HIVEP1: variants seen among roughly 807,000 people sequenced by gnomAD.
HIVEP1 encodes HIVEP zinc finger 1.
HIVEP1 carries 36 observed loss-of-function variants against 180.0 expected under a neutral mutation model. The ratio of observed to expected loss-of-function variants is 0.20; its 90% CI spans 0.15 to 0.26. The LOEUF is 0.26. HIVEP1 is among the 10% of genes least tolerant of loss of function. HIVEP1 has a pLI of 1.00. For synonymous variants in HIVEP1, 1,239 were observed against 1,239.0 expected (o/e 1.00, Z 0.00); for missense variants, 3,143 against 3,268.7 (o/e 0.96, Z 0.94).
the HIVEP1 span, among the ~76,000 whole-genome samples, chr6:12,192,263 G>T: frequency 6.6e-6 from 1 of 152,028 alleles, no homozygotes; most frequent in Non-Finnish European, 1.5e-5. Flanking sequence ...GTGTGTGTGT[G>T]TGTAATTTTT....
chr6:12,204,946 A>G, the HIVEP1 span, among the ~76,000 whole-genome samples: 1 of 152,224 alleles, frequency 6.6e-6, no homozygotes, highest in Non-Finnish European at 1.5e-5. Context: ...AGCAGGTCCT[A>G]TGAAAGCTGG....
intron 3 of HIVEP1, among the ~76,000 whole-genome samples, chr6:12,108,925 C>G (rs1402390412): frequency 6.6e-6 from 1 of 152,222 alleles, no homozygotes; most frequent in Admixed American, 6.5e-5. Flanking sequence ...CGAGGGCTCT[C>G]AGGACTGCCA....
chr6:12,201,525 A>G, the HIVEP1 span, among the ~76,000 whole-genome samples: 1 of 150,572 alleles, frequency 6.6e-6, no homozygotes, highest in Non-Finnish European at 1.5e-5. Context: ...ATTTTTTTGA[A>G]CATGTATAAG....
chr6:12,210,552 G>T, the HIVEP1 span, among the ~76,000 whole-genome samples: 2 of 152,150 alleles, frequency 1.3e-5, no homozygotes, highest in Non-Finnish European at 2.9e-5. Flanking sequence ...AAAATCTAGT[G>T]AAAAGCTATG....
chr6:12,107,030 T>C (rs1774471994), intron 3 of HIVEP1, among the ~76,000 whole-genome samples: 1 of 152,240 alleles, frequency 6.6e-6, no homozygotes, highest in South Asian at 2.1e-4. Context: ...TCAGGGAACA[T>C]ACTTTCTATG....
At chr6:12,142,552 A>G (rs915373074) in intron 7 of HIVEP1, among the ~76,000 whole-genome samples, 10 of 152,194 alleles carry the variant, frequency 6.6e-5, no homozygotes, top group Admixed American at 5.9e-4. Context: ...ACTGAAGGAG[A>G]TAGAGACACA....
At chr6:12,083,825 A>C (rs1205494545) in intron 2 of HIVEP1, among the ~76,000 whole-genome samples, 1 of 152,062 alleles carries the variant, frequency 6.6e-6, no homozygotes, top group East Asian at 1.9e-4. Flanking sequence ...TGCTGTGAAA[A>C]ATTATAATAT....
chr6:12,066,212 T>C (rs1771573526), intron 2 of HIVEP1, among the ~76,000 whole-genome samples: 1 of 152,226 alleles, frequency 6.6e-6, no homozygotes. Context: ...TTTTAAGAGC[T>C]GTGTGCGTGT....
Position 12,161,520 on chromosome 6 carries a change from A to G in HIVEP1, c.6569A>G (p.Asn2190Ser). The change falls in exon 8 of 9, where the codon AAT becomes AGT. Residue 2190 changes from asparagine to serine, a missense_variant. Around this residue, in one of 12 missense-constraint regions of HIVEP1, gnomAD observed 126 missense variants for 168.5 expected, o/e 0.75. Transcript: ENST00000379388. ...GGCCCAGATGAGGATGACAATGAAA[A>G]TGAAGACGATGATGAGGACAGCCAG... The part of the protein sequence containing the change: ...SDGPDEDDNE[N>S]EDDDEDSQAE... 6.2e-7 allele frequency: 1 copy of G among 1,614,186 alleles called. No homozygotes were observed.
intron 2 of HIVEP1, among the ~76,000 whole-genome samples, chr6:12,021,234 A>G (rs186514566): frequency 1.3e-5 from 2 of 152,182 alleles, no homozygotes; most frequent in African/African-American, 4.8e-5. Flanking sequence ...TGATCAGATC[A>G]TGGCCTTGAT....
intron 2 of HIVEP1, among the ~76,000 whole-genome samples, chr6:12,031,927 T>C (rs914060963): frequency 1.3e-5 from 2 of 152,166 alleles, no homozygotes; most frequent in African/African-American, 4.8e-5. Flanking sequence ...CAGCAGGCAG[T>C]GTCCTGGGCC....
At position 12,125,618 on chromosome 6, in the gene HIVEP1, C is replaced by G. The variant is rs752591996; in HGVS notation, c.5823C>G (p.Asn1941Lys). 29 of 1,614,072 alleles carry G rather than the reference C, an allele frequency of 1.8e-5. No individual in the cohort carries two copies. Among genetic ancestry groups the G allele is most frequent in the Middle Eastern group, 1.6e-4 (1 of 6,084 alleles). Residue 1941 changes from asparagine to lysine, a missense_variant, in exon 4 of 9, where the codon AAC becomes AAG. Around this residue, in one of 12 missense-constraint regions of HIVEP1, gnomAD observed 1,357 missense variants for 1,260.5 expected, o/e 1.08. Transcript: ENST00000379388. ...LAFPSLKTTT[N>K]FTWCYLLRQK... is the part of the protein sequence containing the mutation. Reference sequence around the variant, plus strand: ...TCCCTAGCCTGAAAACTACAACCAACTTTACATGGTGTTATCTCTTAAGGC... The same window carrying G: ...TCCCTAGCCTGAAAACTACAACCAAGTTTACATGGTGTTATCTCTTAAGGC...
chr6:12,110,959 A>AT (rs1216020733), intron 3 of HIVEP1, among the ~76,000 whole-genome samples: 1 of 152,192 alleles, frequency 6.6e-6, no homozygotes, highest in Non-Finnish European at 1.5e-5. Context: ...AACTGGCATA[A>AT]TTTTAACATT....
the HIVEP1 span, among the ~76,000 whole-genome samples, chr6:12,203,555 C>T: frequency 2.6e-5 from 4 of 152,156 alleles, no homozygotes; most frequent in Non-Finnish European, 4.4e-5. Context: ...GTGACATGGG[C>T]ACCCAGAGTC....
intron 2 of HIVEP1, among the ~76,000 whole-genome samples, chr6:12,082,102 C>T (rs1007018508): frequency 2.6e-5 from 4 of 152,014 alleles, no homozygotes; most frequent in African/African-American, 9.7e-5. Context: ...TTTTCCTCTA[C>T]TTGCTCCTTA....
chr6:12,027,206 G>A (rs926977040), intron 2 of HIVEP1, among the ~76,000 whole-genome samples: 19 of 152,180 alleles, frequency 1.2e-4, no homozygotes, highest in South Asian at 8.3e-4. Flanking sequence ...ACCCTTTTCT[G>A]TTTGGGAATA....
At chr6:12,191,892 T>A in the HIVEP1 span, among the ~76,000 whole-genome samples, 1 of 152,214 alleles carries the variant, frequency 6.6e-6, no homozygotes, top group Non-Finnish European at 1.5e-5. Context: ...CTGAAAAATA[T>A]ATAATGTCAT....
chr6:12,051,029 T>TATATATATATATA (rs1468012702), intron 2 of HIVEP1, among the ~76,000 whole-genome samples: 1 of 135,534 alleles, frequency 7.4e-6, no homozygotes, highest in African/African-American at 3.1e-5. Context: ...TATATATATA[T>TATATATATATATA]ATGTATATTA....
chr6:12,177,328 A>C, the HIVEP1 span, among the ~76,000 whole-genome samples: 1 of 152,186 alleles, frequency 6.6e-6, no homozygotes, highest in Non-Finnish European at 1.5e-5. Flanking sequence ...CAAGTTAAAA[A>C]AATAAAATGA....
Sources: allele counts gnomAD v4.1 joint callset (sites outside exome capture counted in the v4.1 genomes callset), GRCh38; gene constraint gnomAD v4.1.1; regional missense constraint gnomAD v4.1.1; transcripts MANE v1.5; gene names NCBI Gene and HGNC (gene_info 2026-07-23, HGNC 2026-07-21).